CFAP54: variants seen among roughly 807,000 people sequenced by gnomAD.
The protein encoded by CFAP54 is cilia- and flagella-associated protein 54.
CFAP54 carries 290 observed loss-of-function variants against 370.4 expected under a neutral mutation model. That is an observed-to-expected ratio of 0.78 (90% CI 0.71 to 0.86). The LOEUF is 0.86. CFAP54 is among the 40% of genes least tolerant of loss of function. The pLI is 0.00. For synonymous variants in CFAP54, 1,206 were observed against 1,236.5 expected, an observed-to-expected ratio of 0.98 and a Z score of 0.52; for missense variants, 3,399 against 3,528.7, an observed-to-expected ratio of 0.96 and a Z score of 0.93.
At chr12:96,510,709 G>A (rs1387951966) in intron 4 of CFAP54, among the ~76,000 whole-genome samples, 4 of 152,012 alleles carry the variant, frequency 2.6e-5, no homozygotes, top group Non-Finnish European at 4.4e-5. Flanking sequence ...GGTGGCTCAC[G>A]CTTCTCATCA....
intron 1 of CFAP54, among the ~76,000 whole-genome samples, chr12:96,495,236 TTC>T (rs1954936430): frequency 6.8e-6 from 1 of 147,636 alleles, no homozygotes; most frequent in Non-Finnish European, 1.5e-5. Flanking sequence ...TTCTTTTCTT[TTC>T]TCCTTCCTTC....
chr12:96,728,761 TAG>T (rs1957877213), intron 50 of CFAP54, among the ~76,000 whole-genome samples: 1 of 152,178 alleles, frequency 6.6e-6, no homozygotes, highest in African/African-American at 2.4e-5. Context: ...CTCTGCTTTT[TAG>T]AGTTTCCAGT....
intron 66 of CFAP54, among the ~76,000 whole-genome samples, chr12:96,832,324 A>C (rs1959173875): frequency 6.6e-6 from 1 of 151,480 alleles, no homozygotes; most frequent in African/African-American, 2.4e-5. Context: ...TTGTTATAAT[A>C]AAATATACAA....
At chr12:96,730,621 A>G (rs1957910112) in intron 50 of CFAP54, among the ~76,000 whole-genome samples, 1 of 152,180 alleles carries the variant, frequency 6.6e-6, no homozygotes, top group Non-Finnish European at 1.5e-5. Context: ...TTCTCTCCTT[A>G]TTTTTTTCAT....
At position 96,626,902 on chromosome 12, in the gene CFAP54, G is replaced by T. The variant is rs748841176; in HGVS notation, c.4066G>T (p.Val1356Leu). The T allele has an allele frequency of 3.7e-5, 53 of 1,434,166 alleles. No individual in the cohort carries two copies. The highest frequency in any genetic ancestry group is 5.9e-5 in the South Asian group (4 of 68,172). The allele number at this position is 1,434,166 out of a possible 1,614,324, so 88.8% of individuals were successfully genotyped here. A position where few individuals can be genotyped will look rare whatever the true frequency, so the allele number is the denominator to read the frequency against. The change falls in exon 30 of 68, where the codon GTA becomes TTA. Residue 1356 changes from valine (V) to leucine (L), a missense_variant. By Grantham distance (32) the Val-to-Leu change is conservative. This residue lies in a region of CFAP54 where 2,796 missense variants were observed against 2,869.7 expected (regional missense o/e 0.97). Coordinates refer to ENST00000524981, the MANE Select transcript of CFAP54 (RefSeq NM_001306084.2). ...GAATGAGGAAAAATTTCATCTTATG[G>T]TAGAGGTAACAACTCCTGTCCATGA... is the stretch of plus-strand genomic sequence containing the variant. ...CMNEEKFHLMVEVTTPVHDFL... is the reference protein window; with the variant it reads ...CMNEEKFHLMLEVTTPVHDFL...
intron 24 of CFAP54, 49 bp downstream of exon 24, chr12:96,592,686 T>A (rs529842494): frequency 1.6e-6 from 1 of 633,474 alleles, no homozygotes; most frequent in African/African-American, 1.9e-5. Flanking sequence ...CTGTATTTTT[T>A]TCTTGATGTT....
chr12:96,710,376 G>A (rs1480043778), intron 48 of CFAP54, among the ~76,000 whole-genome samples: 3 of 152,166 alleles, frequency 2.0e-5, no homozygotes, highest in Non-Finnish European at 4.4e-5. Context: ...AAATGGATGG[G>A]TAAAGCAGAG....
chr12:96,546,954 A>G (rs987425459), intron 14 of CFAP54, among the ~76,000 whole-genome samples: 1 of 152,198 alleles, frequency 6.6e-6, no homozygotes, highest in African/African-American at 2.4e-5. Context: ...GATTGTTAAA[A>G]TGTTTCATTT....
intron 50 of CFAP54, among the ~76,000 whole-genome samples, chr12:96,731,785 C>T (rs905869915): frequency 1.5e-4 from 23 of 151,914 alleles, no homozygotes; most frequent in African/African-American, 5.6e-4. Context: ...GTTACAAAAT[C>T]CTAGTGAACA....
At chr12:96,549,455 A>G (rs1221119949) in intron 15 of CFAP54, among the ~76,000 whole-genome samples, 2 of 152,218 alleles carry the variant, frequency 1.3e-5, no homozygotes, top group East Asian at 1.9e-4. Context: ...GAAATCGTCA[A>G]AATAAATACA....
At position 96,656,352 on chromosome 12, in the gene CFAP54, A is replaced by C. The variant is rs189029768; in HGVS notation, c.5101-1530A>C. On this transcript the variant is annotated intron_variant, in intron 36 of 67. Coordinates refer to ENST00000524981, the MANE Select transcript of CFAP54 (RefSeq NM_001306084.2). ...ATCAACTGAGAGATGGGTGCTGAAC[A>C]AGGCAATTGAGATAAAATATCAGCT... 3.1e-3 allele frequency among the ~76,000 whole-genome samples: 463 copies of C among 151,078 alleles called. 3 individuals are homozygous for C. The highest frequency in any genetic ancestry group is 0.01 in the African/African-American group (424 of 41,270).
At chr12:96,583,625 ATTAAT>A (rs767766346) in intron 22 of CFAP54, among the ~76,000 whole-genome samples, 1 of 152,234 alleles carries the variant, frequency 6.6e-6, no homozygotes, top group Non-Finnish European at 1.5e-5. Context: ...GAAGGAACAG[ATTAAT>A]TTAATCCTTC....
At chr12:96,698,132 C>G (rs1957455015) in intron 45 of CFAP54, among the ~76,000 whole-genome samples, 1 of 152,116 alleles carries the variant, frequency 6.6e-6, no homozygotes, top group African/African-American at 2.4e-5. Context: ...TCATGTGTCA[C>G]TGAAACTTAG....
intron 26 of CFAP54, among the ~76,000 whole-genome samples, chr12:96,617,113 G>A (rs1036358467): frequency 6.6e-6 from 1 of 152,212 alleles, no homozygotes; most frequent in Non-Finnish European, 1.5e-5. Flanking sequence ...GGTCTGGGCA[G>A]TTGGGTGAAT....
Position 96,489,715 on chromosome 12 carries a change from C to G in CFAP54, c.106C>G (p.Pro36Ala). 1 of 1,536,086 alleles carries G rather than the reference C, an allele frequency of 6.5e-7. No individual in the cohort carries two copies. ...PTSTATSRSP[P>A]ESKGSSRSSL... is the part of the protein sequence containing the mutation. ...CTCCACCGCGACTTCGAGGTCGCCC[C>G]CAGAGTCGAAGGGGAGCTCCCGGAG... is the stretch of plus-strand genomic sequence containing the variant. The change falls in exon 1 of 68, where the codon CCA (proline) becomes GCA (alanine). Residue 36 changes from proline (P) to alanine (A), a missense_variant. By Grantham distance (27) the Pro-to-Ala change is conservative (BLOSUM62 -1). This residue lies in a region of CFAP54 where 559 missense variants were observed against 576.7 expected (regional missense o/e 0.97). Transcript: ENST00000524981.
intron 22 of CFAP54, 77 bp from the exon 23 acceptor site, chr12:96,589,350 G>T (rs1956103927): frequency 1.3e-5 from 15 of 1,172,696 alleles, no homozygotes; most frequent in Middle Eastern, 2.4e-4. Context: ...GTCATAGATT[G>T]TATATTTTAA....
intron 65 of CFAP54, among the ~76,000 whole-genome samples, chr12:96,819,579 C>T (rs1368303134): frequency 6.6e-6 from 1 of 152,150 alleles, no homozygotes; most frequent in Non-Finnish European, 1.5e-5. Context: ...CCCTTCTCTT[C>T]TATGTATTGT....
intron 44 of CFAP54, among the ~76,000 whole-genome samples, chr12:96,693,273 G>A (rs1435753446): frequency 6.6e-6 from 1 of 152,158 alleles, no homozygotes; most frequent in East Asian, 1.9e-4. Context: ...AAAGCAGCTG[G>A]CATTGAAATG....
chr12:96,502,940 T>C (rs957673926), intron 2 of CFAP54, among the ~76,000 whole-genome samples: 5 of 152,138 alleles, frequency 3.3e-5, no homozygotes, highest in Non-Finnish European at 7.4e-5. Context: ...GGCAAGTAGC[T>C]CACCTCACTC....
Sources: allele counts gnomAD v4.1 joint callset (sites outside exome capture counted in the v4.1 genomes callset), GRCh38; gene constraint gnomAD v4.1.1; regional missense constraint gnomAD v4.1.1; transcripts MANE v1.5; gene names NCBI Gene and HGNC (gene_info 2026-07-23, HGNC 2026-07-21).